ABHD17C: variants seen among roughly 807,000 people sequenced by gnomAD.
ABHD17C encodes abhydrolase domain containing 17C, depalmitoylase.
In ABHD17C, 11 loss-of-function variants were observed where a neutral mutation model predicts 27.9. That is an observed-to-expected ratio of 0.39 (90% CI 0.25 to 0.65). The LOEUF (loss-of-function observed/expected upper bound fraction) is 0.65. Among genes scored for constraint, ABHD17C ranks in the 30% least tolerant of loss-of-function variants. The pLI is 0.45. For missense variants in ABHD17C, 280 were observed against 470.2 expected (o/e 0.60, Z 3.74); for synonymous variants, 233 against 209.1 (o/e 1.11, Z -0.98).
At chr15:80,720,010 G>A (rs892864719) in intron 1 of ABHD17C, among the ~76,000 whole-genome samples, 4 of 152,082 alleles carry the variant, frequency 2.6e-5, no homozygotes, top group Admixed American at 6.5e-5. Context: ...ATGTTGGCCC[G>A]GCTAGTCTTG....
chr15:80,714,528 A>C (rs1894777060), intron 1 of ABHD17C, among the ~76,000 whole-genome samples: 1 of 152,210 alleles, frequency 6.6e-6, no homozygotes, highest in African/African-American at 2.4e-5. Flanking sequence ...TATGCTCTAA[A>C]ATTAGAAAAT....
chr15:80,719,600 A>T (rs1246960456), intron 1 of ABHD17C, among the ~76,000 whole-genome samples: 1 of 152,230 alleles, frequency 6.6e-6, no homozygotes, highest in Middle Eastern at 3.2e-3. Flanking sequence ...GATATGTGTT[A>T]TGCTAGAGTA....
At chr15:80,703,264 G>T (rs1188548743) in intron 1 of ABHD17C, 1 of 152,230 alleles carries the variant, frequency 6.6e-6, no homozygotes, top group East Asian at 1.9e-4. Flanking sequence ...AGCCCACATG[G>T]CCTGATCACC....
chr15:80,741,303 T>G (rs1019810761), intron 1 of ABHD17C, among the ~76,000 whole-genome samples: 2 of 152,126 alleles, frequency 1.3e-5, no homozygotes, highest in Non-Finnish European at 2.9e-5. Context: ...AGTGGATACC[T>G]GAAACTGAGG....
At chr15:80,704,119 A>G (rs1262071119) in intron 1 of ABHD17C, among the ~76,000 whole-genome samples, 1 of 152,228 alleles carries the variant, frequency 6.6e-6, no homozygotes. Context: ...ATGGTTTCAG[A>G]TAAAGATCTC....
intron 1 of ABHD17C, among the ~76,000 whole-genome samples, chr15:80,698,689 C>A (rs865774257): frequency 3.3e-5 from 5 of 152,354 alleles, no homozygotes; most frequent in Middle Eastern, 6.8e-3. Context: ...TCTGCTCTTA[C>A]TTGCCTGGAG....
chr15:80,712,906 A>G (rs1894746410), intron 1 of ABHD17C, among the ~76,000 whole-genome samples: 1 of 152,168 alleles, frequency 6.6e-6, no homozygotes, highest in South Asian at 2.1e-4. Context: ...TGTTTATTAA[A>G]AACAAAACAA....
intron 2 of ABHD17C, among the ~76,000 whole-genome samples, chr15:80,752,926 G>A (rs189243227): frequency 5.1e-4 from 78 of 152,332 alleles, no homozygotes; most frequent in African/African-American, 1.8e-3. Context: ...TCCTTTGAGA[G>A]TAGATTTGAT....
chr15:80,739,287 G>A (rs1895174147), intron 1 of ABHD17C, among the ~76,000 whole-genome samples: 1 of 152,130 alleles, frequency 6.6e-6, no homozygotes, highest in South Asian at 2.1e-4. Flanking sequence ...CATCCTGACT[G>A]CCAGGTTCCA....
intron 1 of ABHD17C, among the ~76,000 whole-genome samples, chr15:80,717,289 A>G (rs1355800822): frequency 6.8e-6 from 1 of 147,484 alleles, no homozygotes; most frequent in Non-Finnish European, 1.5e-5. Context: ...GGCATAGCTA[A>G]TACTTTTCAT....
chr15:80,737,175 A>G (rs1895142775), intron 1 of ABHD17C, among the ~76,000 whole-genome samples: 1 of 152,190 alleles, frequency 6.6e-6, no homozygotes, highest in Non-Finnish European at 1.5e-5. Context: ...CACACATCGC[A>G]CTGCCCGTGA....
rs1370398260 is a variant in ABHD17C, at chr15:80,695,631, G to A, written c.202G>A (p.Ala68Thr). The change falls in exon 1 of 3, where the codon GCG becomes ACG. Residue 68 changes from alanine (A) to threonine (T), a missense_variant. Physicochemically the swap from Ala to Thr is moderately conservative, Grantham distance 58. Coordinates refer to ENST00000258884, the MANE Select transcript of ABHD17C (RefSeq NM_021214.2). The surrounding 1 kb of genome is among the most constrained non-coding windows in gnomAD (Gnocchi z 4.3). The part of the protein sequence containing the change: ...APAQATAAAA[A>T]AQPAPQQPEE... Reference sequence around the variant, plus strand: ...GGCCCAGGCTACCGCCGCCGCCGCCGCGGCCCAGCCGGCACCGCAGCAGCC... The same window carrying A: ...GGCCCAGGCTACCGCCGCCGCCGCCACGGCCCAGCCGGCACCGCAGCAGCC... 2.5e-6 allele frequency: 3 copies of A among 1,207,302 alleles called. No homozygotes were observed. Among genetic ancestry groups the A allele is most frequent in the African/African-American group, 1.6e-5 (1 of 62,734 alleles). The allele number at this position is 1,207,302 out of a possible 1,614,324, so 74.8% of individuals were successfully genotyped here. A position where few individuals can be genotyped will look rare whatever the true frequency, so the allele number is the denominator to read the frequency against.
chr15:80,729,225 A>C (rs1410146812), intron 1 of ABHD17C, among the ~76,000 whole-genome samples: 1 of 152,158 alleles, frequency 6.6e-6, no homozygotes, highest in African/African-American at 2.4e-5. Flanking sequence ...CCTAGCCAGC[A>C]TGTATGCGTG....
chr15:80,725,734 G>A (rs1340316904), intron 1 of ABHD17C, among the ~76,000 whole-genome samples: 1 of 152,014 alleles, frequency 6.6e-6, no homozygotes, highest in Non-Finnish European at 1.5e-5. Flanking sequence ...CCCAGGCTGG[G>A]TTTGAACTCC....
chr15:80,719,910 AC>A (rs1567033769), intron 1 of ABHD17C, among the ~76,000 whole-genome samples: 1 of 152,002 alleles, frequency 6.6e-6, no homozygotes, highest in Non-Finnish European at 1.5e-5. Flanking sequence ...CAATCCTCCC[AC>A]CTCAGCCTTC....
chr15:80,753,365 A>G (rs546927138), intron 2 of ABHD17C, among the ~76,000 whole-genome samples: 177 of 152,330 alleles, frequency 1.2e-3, no homozygotes, highest in Non-Finnish European at 2.1e-3. Context: ...GGAAAAGGAC[A>G]TTAGTGGAAA....
rs77973027 is a variant in ABHD17C at position 80,744,361 on chromosome 15, G to GA, written c.591-5142dup. On this transcript the variant is annotated intron_variant, in intron 1 of 2. Transcript: ENST00000258884. ...AGGTCACTAGTCTAATACTTTGATAGAAAAAAAAAATCCTAGTACTACAGT... is the reference window on the plus strand; with the variant it reads ...AGGTCACTAGTCTAATACTTTGATAGAAAAAAAAAAATCCTAGTACTACAGT... 2.7e-4 allele frequency among the ~76,000 whole-genome samples: 41 copies of GA among 149,618 alleles called. No homozygotes were observed. In the South Asian group the frequency reaches 3.4e-3, roughly 12 times the overall value.
At position 80,749,573 on chromosome 15, in the gene ABHD17C, G is replaced by C. The variant is rs763009248; in HGVS notation, c.651G>C (p.Thr217=). ...GTCAGAGCATTGGGACTGTCCCCAC[G>C]GTAGACTTGGCCTCGAGGTATGAAT... ...LYGQSIGTVP[T]VDLASRYECA... is the part of the protein sequence containing the mutation. The change falls in exon 2 of 3, where the codon ACG becomes ACC. Residue 217 remains threonine (T), a synonymous_variant. Coordinates refer to ENST00000258884, the MANE Select transcript of ABHD17C (RefSeq NM_021214.2). The C allele has an allele frequency of 6.2e-7, 1 of 1,613,876 alleles. No homozygotes were observed. Among genetic ancestry groups the C allele is most frequent in the African/African-American group, 1.3e-5 (1 of 75,006 alleles).
intron 1 of ABHD17C, among the ~76,000 whole-genome samples, chr15:80,733,168 C>G (rs1895079919): frequency 6.6e-6 from 1 of 152,150 alleles, no homozygotes; most frequent in Non-Finnish European, 1.5e-5. Flanking sequence ...TTTCTATGTC[C>G]TCTACGAATC....
Sources: gnomAD v4.1 joint callset for allele counts (sites outside exome capture counted in the v4.1 genomes callset) on GRCh38, gnomAD v4.1.1 for gene constraint, Gnocchi (gnomAD v3.1) non-coding constraint, MANE v1.5 for transcripts, NCBI Gene and HGNC (gene_info 2026-07-23, HGNC 2026-07-21) for gene names.